Variants in SEM1 observed in about 807,000 individuals in gnomAD.
The protein encoded by SEM1 is SEM1 26S proteasome subunit.
In SEM1, 3 loss-of-function variants were observed where a neutral mutation model predicts 12.7. The ratio of observed to expected loss-of-function variants is 0.24; its 90% CI spans 0.11 to 0.61. The LOEUF (loss-of-function observed/expected upper bound fraction) is 0.61. Ranked by LOEUF, SEM1 falls within the 20% of genes least tolerant of loss-of-function variation. The pLI is 0.88. For missense variants in SEM1, 59 were observed against 81.3 expected (o/e 0.73, Z 1.06); for synonymous variants, 30 against 27.8 (o/e 1.08, Z -0.25).
chr7:96,574,588 C>T (rs887130437), intron 2 of SEM1, among the ~76,000 whole-genome samples: 11 of 152,188 alleles, frequency 7.2e-5, no homozygotes, highest in Non-Finnish European at 1.6e-4. Flanking sequence ...CACATCCTCT[C>T]CAGCTACTGT....
chr7:96,593,310 T>C (rs1232702179), intron 2 of SEM1, among the ~76,000 whole-genome samples: 1 of 152,224 alleles, frequency 6.6e-6, no homozygotes, highest in African/African-American at 2.4e-5. Context: ...TATCTACACA[T>C]ACCCTACATT....
At chr7:96,655,368 T>C (rs927952108) in intron 2 of SEM1, among the ~76,000 whole-genome samples, 4 of 152,184 alleles carry the variant, frequency 2.6e-5, no homozygotes, top group African/African-American at 9.7e-5. Flanking sequence ...TGATCAGCTG[T>C]TGGAACCATC....
chr7:96,573,177 G>T (rs929190746), intron 2 of SEM1, among the ~76,000 whole-genome samples: 1 of 143,410 alleles, frequency 7.0e-6, no homozygotes, highest in Non-Finnish European at 1.5e-5. Context: ...GAGCCTATAT[G>T]TGCCTTTGCA....
At chr7:96,599,758 G>C (rs2116183538) in intron 2 of SEM1, among the ~76,000 whole-genome samples, 1 of 152,228 alleles carries the variant, frequency 6.6e-6, no homozygotes, top group East Asian at 1.9e-4. Flanking sequence ...TCTTTATGTA[G>C]TCACTAGAAA....
chr7:96,483,108 T>G (rs944644126), exon 4 of SEM1: 4 of 152,224 alleles, frequency 2.6e-5, no homozygotes, highest in African/African-American at 9.6e-5. Flanking sequence ...CTGAGGATAT[T>G]ATGGACTAAA....
chr7:96,618,808 G>A (rs1010236897), downstream of SEM1, among the ~76,000 whole-genome samples: 1 of 152,092 alleles, frequency 6.6e-6, no homozygotes, highest in Admixed American at 6.5e-5. Flanking sequence ...AAATTAGCCA[G>A]TTGTGGCTGG....
chr7:96,497,430 A>G (rs1007403430), upstream of SEM1, among the ~76,000 whole-genome samples: 2 of 152,186 alleles, frequency 1.3e-5, no homozygotes, highest in African/African-American at 4.8e-5. Context: ...GTGGAAAAAC[A>G]AGAAGAAAAA....
intron 2 of SEM1, among the ~76,000 whole-genome samples, chr7:96,565,578 T>C (rs893937926): frequency 6.6e-6 from 1 of 151,940 alleles, no homozygotes; most frequent in African/African-American, 2.4e-5. Context: ...TGCAACTAAA[T>C]AGAACAAAAT....
At chr7:96,573,294 T>A (rs1160562831) in intron 2 of SEM1, among the ~76,000 whole-genome samples, 2 of 152,198 alleles carry the variant, frequency 1.3e-5, no homozygotes, top group Non-Finnish European at 2.9e-5. Context: ...CATTTAAGGT[T>A]AATATTGTTA....
exon 3 of SEM1, chr7:96,673,458 A>T (rs1789373909): frequency 3.3e-6 from 1 of 304,958 alleles, no homozygotes. Flanking sequence ...AACACTGGTG[A>T]CTGAAACAAT....
At chr7:96,582,142 T>C (rs1359808673) in intron 2 of SEM1, among the ~76,000 whole-genome samples, 1 of 151,504 alleles carries the variant, frequency 6.6e-6, no homozygotes, top group East Asian at 1.9e-4. Context: ...TTGAAATACG[T>C]CCCATCAATA....
chr7:96,692,292 AAG>A (rs1269866383), intron 2 of SEM1, among the ~76,000 whole-genome samples: 2 of 152,212 alleles, frequency 1.3e-5, no homozygotes, highest in Non-Finnish European at 2.9e-5. Flanking sequence ...AAAGACATAA[AAG>A]AAACAAAACT....
chr7:96,533,397 A>T (rs1027537688), intron 2 of SEM1, among the ~76,000 whole-genome samples: 6 of 152,004 alleles, frequency 3.9e-5, no homozygotes, highest in Admixed American at 6.6e-5. Context: ...CTTCTAGAAG[A>T]GTCACCCGCA....
intron 2 of SEM1, among the ~76,000 whole-genome samples, chr7:96,677,164 G>A (rs1233359899): frequency 6.6e-6 from 1 of 152,156 alleles, no homozygotes; most frequent in Non-Finnish European, 1.5e-5. Context: ...TGAAGACTGG[G>A]AAAAGGATGA....
intron 2 of SEM1, among the ~76,000 whole-genome samples, chr7:96,550,889 C>G (rs1805248788): frequency 6.6e-6 from 1 of 152,070 alleles, no homozygotes; most frequent in Non-Finnish European, 1.5e-5. Flanking sequence ...ATATTGTCTA[C>G]AAAATTCAGT....
At chr7:96,539,911 T>A (rs977362245) in intron 2 of SEM1, among the ~76,000 whole-genome samples, 1 of 151,282 alleles carries the variant, frequency 6.6e-6, no homozygotes, top group African/African-American at 2.4e-5. Flanking sequence ...GTATTTATGG[T>A]TTTTGCCATA....
intron 2 of SEM1, among the ~76,000 whole-genome samples, chr7:96,587,385 T>C (rs1584788164): frequency 6.6e-6 from 1 of 152,228 alleles, no homozygotes; most frequent in Non-Finnish European, 1.5e-5. Context: ...TGGAGCAGTC[T>C]TGATTTTGCG....
intron 1 of SEM1, among the ~76,000 whole-genome samples, chr7:96,495,163 A>G (rs1803191400): frequency 6.6e-6 from 1 of 152,224 alleles, no homozygotes; most frequent in Non-Finnish European, 1.5e-5. Flanking sequence ...AAGATTAATT[A>G]AAGACAACCA....
intron 2 of SEM1, among the ~76,000 whole-genome samples, chr7:96,643,780 G>A (rs188488083): frequency 6.6e-6 from 1 of 152,170 alleles, no homozygotes; most frequent in East Asian, 1.9e-4. Context: ...ACAGGGAGAG[G>A]AACATCACAC....
Sources: allele counts gnomAD v4.1 joint callset (sites outside exome capture counted in the v4.1 genomes callset), GRCh38; gene constraint gnomAD v4.1.1; transcripts MANE v1.5; gene names NCBI Gene and HGNC (gene_info 2026-07-23, HGNC 2026-07-21).